HSPG2: variants seen among roughly 807,000 people sequenced by gnomAD.
HSPG2 encodes the protein heparan sulfate proteoglycan 2, also known as basement membrane-specific heparan sulfate proteoglycan core protein.
In HSPG2, 278 loss-of-function variants were observed where a neutral mutation model predicts 526.6. That is an observed-to-expected ratio of 0.53 (90% CI 0.48 to 0.58). HSPG2 has a LOEUF of 0.58. HSPG2 is among the 20% of genes least tolerant of loss of function. The pLI, the probability that HSPG2 is intolerant of heterozygous loss-of-function variation, is 0.00. For synonymous variants in HSPG2, 2,465 were observed against 2,555.4 expected, an observed-to-expected ratio of 0.96 and a Z score of 1.07; for missense variants, 5,354 against 6,099.5, an observed-to-expected ratio of 0.88 and a Z score of 4.07.
intron 1 of HSPG2, among the ~76,000 whole-genome samples, chr1:21,911,505 T>C (rs926338216): frequency 1.4e-4 from 21 of 152,150 alleles, no homozygotes; most frequent in South Asian, 4.1e-4. Context: ...GGGGTCATCT[T>C]AGTCCTCATG....
intron 1 of HSPG2, among the ~76,000 whole-genome samples, chr1:21,921,942 A>C (rs1040729391): frequency 1.3e-5 from 2 of 152,050 alleles, no homozygotes; most frequent in African/African-American, 4.8e-5. Context: ...ATAAGAAAAG[A>C]GTGTTGGAGG....
chr1:21,833,281 G>T lies in HSPG2; in HGVS notation c.11082C>A (p.Pro3694=), dbSNP rs2229486. 2 of 1,613,824 alleles carry T rather than the reference G, an allele frequency of 1.2e-6. No individual in the cohort carries two copies. The highest frequency in any genetic ancestry group is 1.1e-5 in the South Asian group (1 of 91,062). ...RKFEIKITFR[P]DSADGMLLYN... is the part of the protein sequence containing the mutation. ...CCTCCTGCTCACCATCGGCTGAGTC[G>T]GGCCGGAAGGTGATCTTGATCTCGA... The change falls in exon 80 of 97, where the codon CCC becomes CCA. Residue 3694 remains proline (P), a synonymous_variant. Coordinates refer to ENST00000374695, the MANE Select transcript of HSPG2 (RefSeq NM_005529.7).
At position 21,829,573 on chromosome 1, in the gene HSPG2, A is replaced by C. The variant is rs1572147963; in HGVS notation, c.11802T>G (p.Gly3934=). ...CGGGCAGTGCCAGGTAGGAGCCAGC[A>C]CCCGACAGCGAGGGGGTGGTCACTG... ...GVTVTTPSLS[G]AGSYLALPAL... The change falls in exon 87 of 97, where the codon GGT becomes GGG. Residue 3934 remains glycine (G), a synonymous_variant. Transcript: ENST00000374695. 1.2e-6 allele frequency: 2 copies of C among 1,608,466 alleles called. No individual in the cohort carries two copies. The highest frequency in any genetic ancestry group is 1.7e-6 in the Non-Finnish European group (2 of 1,176,768).
At chr1:21,929,564 C>T (rs953306867) in intron 1 of HSPG2, among the ~76,000 whole-genome samples, 4 of 151,216 alleles carry the variant, frequency 2.6e-5, no homozygotes, top group African/African-American at 4.9e-5. Context: ...TGAGCCACCA[C>T]TCCTGGCCCA....
At chr1:21,829,634 T>C (rs2097993346) in intron 86 of HSPG2, 30 bp from the exon 87 acceptor site, 1 of 1,572,670 alleles carries the variant, frequency 6.4e-7, no homozygotes, top group Admixed American at 1.7e-5. Context: ...GCTGAGGCAG[T>C]GGGGATCCTG....
chr1:21,896,137 C>G (rs745576943), intron 2 of HSPG2, 38 bp downstream of exon 2: 1 of 1,613,582 alleles, frequency 6.2e-7, no homozygotes, highest in Non-Finnish European at 8.5e-7. Context: ...AGTCTCACCC[C>G]CCACCCCTCT....
chr1:21,863,871 GA>G (rs1001419725), intron 37 of HSPG2, among the ~76,000 whole-genome samples: 4 of 152,084 alleles, frequency 2.6e-5, no homozygotes, highest in Admixed American at 1.3e-4. Flanking sequence ...TTAAGAAAAA[GA>G]AAAAAATAGT....
chr1:21,839,758 T>C lies in HSPG2; in HGVS notation c.9709+64A>G. ...TGACATCATCTCTAGATCACATGTG[T>C]CTACATTTCAGACCCCAGGGCATCC... On this transcript the variant is annotated intron_variant, in intron 72 of 96. Transcript: ENST00000374695. The surrounding 1 kb of genome is among the most constrained non-coding windows in gnomAD (Gnocchi z 4.5). 1.9e-6 allele frequency: 3 copies of C among 1,553,706 alleles called. No individual in the cohort carries two copies. The highest frequency in any genetic ancestry group is 8.8e-7 in the Non-Finnish European group (1 of 1,133,600).
rs12755670 is a variant in HSPG2 at position 21,904,905 on chromosome 1, T to C, written c.64-8595A>G. On this transcript the variant is annotated intron_variant, in intron 1 of 96. Coordinates refer to ENST00000374695, the MANE Select transcript of HSPG2 (RefSeq NM_005529.7). This position sits in a 1 kb window ranked among gnomAD's most constrained non-coding sequence, Gnocchi z 4.4. ...GGGCTTCAAGGGCACACCAACCTGG[T>C]TGGGCCTGCCCATACCCTCCTGGGT... Among the ~76,000 whole-genome samples the C allele has an allele frequency of 6.6e-6, 1 of 152,178 alleles. No homozygotes were observed. The highest frequency in any genetic ancestry group is 2.4e-5 in the African/African-American group (1 of 41,442).
chr1:21,937,101 G>T, intron 1 of HSPG2, 54 bp downstream of exon 1: 1 of 244,522 alleles, frequency 4.1e-6, no homozygotes, highest in South Asian at 1.5e-4. Flanking sequence ...GCGGGACCGG[G>T]GCGCCCCTAG....
intron 33 of HSPG2, among the ~76,000 whole-genome samples, chr1:21,871,913 T>C (rs1400300320): frequency 6.6e-6 from 1 of 152,228 alleles, no homozygotes; most frequent in African/African-American, 2.4e-5. Flanking sequence ...AATAACTGCA[T>C]GAAAGCTAAA....
At chr1:21,903,913 C>T (rs1643232877) in intron 1 of HSPG2, among the ~76,000 whole-genome samples, 1 of 152,216 alleles carries the variant, frequency 6.6e-6, no homozygotes, top group Admixed American at 6.5e-5. Context: ...CTGTCAGACA[C>T]CTCCAAGTCC....
At position 21,847,391 on chromosome 1, in the gene HSPG2, G is replaced by T. The variant is rs547310973; in HGVS notation, c.8127C>A (p.Ile2709=). The change falls in exon 62 of 97, where the codon ATC becomes ATA. Residue 2709 remains isoleucine, a synonymous_variant. Coordinates refer to ENST00000374695, the MANE Select transcript of HSPG2 (RefSeq NM_005529.7). The surrounding 1 kb of genome is among the most constrained non-coding windows in gnomAD (Gnocchi z 4.1). ...NNNIDALEAS[I]VISVSPSAGS... ...CGGCGCTAGGGGAGACGGAGATGAC[G>T]ATGGAGGCCTCCAGGGCATCGATGT... The T allele has an allele frequency of 6.8e-6, 11 of 1,613,992 alleles. No individual in the cohort carries two copies. Among genetic ancestry groups the T allele is most frequent in the Non-Finnish European group, 9.3e-6 (11 of 1,180,022 alleles).
chr1:21,865,604 G>C lies in HSPG2; in HGVS notation c.4314+113C>G. 1 of 1,000,580 alleles carries C rather than the reference G, an allele frequency of 1.0e-6. No homozygotes were observed. Among genetic ancestry groups the C allele is most frequent in the South Asian group, 1.3e-5 (1 of 78,564 alleles). 62.0% of individuals were successfully genotyped at this position (1,000,580 alleles called of 1,614,324 possible). On this transcript the variant is annotated intron_variant, in intron 34 of 96. Transcript: ENST00000374695. This position sits in a 1 kb window ranked among gnomAD's most constrained non-coding sequence, Gnocchi z 5.4. ...TGGGGGCATGGGCCTAACTCCCCCAGCCTGTGCCAGAAAACTGAGTGCTGG... is the reference window on the plus strand; with the variant it reads ...TGGGGGCATGGGCCTAACTCCCCCACCCTGTGCCAGAAAACTGAGTGCTGG...
At chr1:21,825,502 AC>A (rs1281715094) in intron 91 of HSPG2, among the ~76,000 whole-genome samples, 1 of 152,134 alleles carries the variant, frequency 6.6e-6, no homozygotes, top group Non-Finnish European at 1.5e-5. Flanking sequence ...TGGGCGAGTG[AC>A]TGGCCCAGGA....
In HSPG2 at chr1:21,855,681, G is replaced by A. The variant is rs373837275; in HGVS notation, c.5702-6C>T. The A allele has an allele frequency of 9.2e-5, 146 of 1,579,252 alleles. No homozygotes were observed. The highest frequency in any genetic ancestry group is 3.3e-4 in the Middle Eastern group (2 of 6,040). Reference sequence around the variant, plus strand: ...GAGCTGGCCGCCGGGGCCCCCTGACGAGTAGACGTGGGGTCAGCACCCACC... The same window carrying A: ...GAGCTGGCCGCCGGGGCCCCCTGACAAGTAGACGTGGGGTCAGCACCCACC... On this transcript the variant is annotated splice_polypyrimidine_tract_variant and splice_region_variant and intron_variant, in intron 45 of 96. Coordinates refer to ENST00000374695, the MANE Select transcript of HSPG2 (RefSeq NM_005529.7).
chr1:21,844,022 C>A, intron 65 of HSPG2, 126 bp downstream of exon 65: 1 of 1,293,654 alleles, frequency 7.7e-7, no homozygotes. Context: ...CTTCCTGATT[C>A]CATTGACCTC....
chr1:21,873,008 A>C lies in HSPG2; in HGVS notation c.3877T>G (p.Cys1293Gly). Residue 1293 changes from cysteine to glycine, a missense_variant, in exon 31 of 97, where the codon TGC (cysteine) becomes GGC (glycine). By Grantham distance (159) the Cys-to-Gly change is radical. Coordinates refer to ENST00000374695, the MANE Select transcript of HSPG2 (RefSeq NM_005529.7). ...GGATTCGGACTGACCTTGCACTGGC[A>C]CTGACCAGCAGCATCACACTGGCTG... ...VSSQCDAAGQ[C>G]QCKAQVEGLT... 1 of 1,610,534 alleles carries C rather than the reference A, an allele frequency of 6.2e-7. No homozygotes were observed. Among genetic ancestry groups the C allele is most frequent in the Non-Finnish European group, 8.5e-7 (1 of 1,179,882 alleles).
At position 21,890,283 on chromosome 1, in the gene HSPG2, C is replaced by G. The variant is rs965367433; in HGVS notation, c.414-142G>C. ...AAGGGCAACTAAAGGTCCCAATGAT[C>G]CCCCGACCAATTCCTGAATTTCCAC... On this transcript the variant is annotated intron_variant, in intron 5 of 96. Transcript: ENST00000374695. The surrounding 1 kb of genome is among the most constrained non-coding windows in gnomAD (Gnocchi z 4.1). 1.6e-6 allele frequency: 2 copies of G among 1,267,704 alleles called. No homozygotes were observed. The highest frequency in any genetic ancestry group is 2.9e-5 in the African/African-American group (2 of 68,410). The allele number at this position is 1,267,704 out of a possible 1,614,324, so 78.5% of individuals were successfully genotyped here. A position where few individuals can be genotyped will look rare whatever the true frequency, so the allele number is the denominator to read the frequency against.
Sources: gnomAD v4.1 joint callset for allele counts (sites outside exome capture counted in the v4.1 genomes callset) on GRCh38, gnomAD v4.1.1 for gene constraint, Gnocchi (gnomAD v3.1) non-coding constraint, MANE v1.5 for transcripts, NCBI Gene and HGNC (gene_info 2026-07-23, HGNC 2026-07-21) for gene names.